Variants in PRKN observed in about 807,000 individuals in gnomAD.
PRKN encodes the protein E3 ubiquitin-protein ligase parkin.
In PRKN, 56 loss-of-function variants were observed where a neutral mutation model predicts 59.5. The ratio of observed to expected loss-of-function variants is 0.94; its 90% CI spans 0.76 to 1.18. The LOEUF is 1.18. Among genes scored for constraint, PRKN ranks in the 50% most tolerant of loss-of-function variants. PRKN has a pLI of 0.00. For missense variants in PRKN, 657 were observed against 596.4 expected (o/e 1.10, Z -1.06); for synonymous variants, 250 against 222.1 (o/e 1.13, Z -1.12).
At chr6:161,763,204 C>T (rs970526848) in intron 7 of PRKN, among the ~76,000 whole-genome samples, 2 of 152,146 alleles carry the variant, frequency 1.3e-5, no homozygotes, top group African/African-American at 4.8e-5. Context: ...TTGCCCAAAT[C>T]GTGCGACTCT....
intron 9 of PRKN, among the ~76,000 whole-genome samples, chr6:161,438,620 G>A (rs1355722645): frequency 2.0e-5 from 3 of 152,098 alleles, no homozygotes; most frequent in Middle Eastern, 3.4e-3. Flanking sequence ...AGTACAATTC[G>A]GCGAAATAGG....
chr6:161,547,799 T>C lies in PRKN; in HGVS notation c.1083+1055A>G, dbSNP rs1779848487. 6.6e-6 allele frequency among the ~76,000 whole-genome samples: 1 copy of C among 152,224 alleles called. No homozygotes were observed. The highest frequency in any genetic ancestry group is 1.5e-5 in the Non-Finnish European group (1 of 68,036). On this transcript the variant is annotated intron_variant, in intron 9 of 11. Transcript: ENST00000366898. The surrounding 1 kb of genome is among the most constrained non-coding windows in gnomAD (Gnocchi z 4.0). ...AGAGTAAACACTTGAGTTTTCATTCTAATGCAATCACGATTATGAATCCAG... is the reference window on the plus strand; with the variant it reads ...AGAGTAAACACTTGAGTTTTCATTCCAATGCAATCACGATTATGAATCCAG...
intron 4 of PRKN, among the ~76,000 whole-genome samples, chr6:162,078,613 C>T (rs183728776): frequency 1.8e-4 from 28 of 152,122 alleles, no homozygotes; most frequent in Admixed American, 7.2e-4. Context: ...ATAAAAAAGC[C>T]ACTTTTCTGG....
chr6:162,688,185 GA>G (rs1395345550), intron 1 of PRKN, among the ~76,000 whole-genome samples: 2 of 152,012 alleles, frequency 1.3e-5, no homozygotes, highest in Non-Finnish European at 1.5e-5. Context: ...AACACTGACT[GA>G]AAAAAACAGA....
intron 4 of PRKN, among the ~76,000 whole-genome samples, chr6:162,172,482 T>C (rs9346905): frequency 0.91 from 138,289 of 152,232 alleles, 63,362 homozygotes; most frequent in Non-Finnish European, 0.97. Flanking sequence ...CCCACACTCT[T>C]ACCACAGATG....
At chr6:161,464,320 T>A (rs1354045670) in intron 9 of PRKN, among the ~76,000 whole-genome samples, 1 of 152,226 alleles carries the variant, frequency 6.6e-6, no homozygotes, top group Non-Finnish European at 1.5e-5. Context: ...AGCTGGTACT[T>A]TCTCAAGCCA....
chr6:161,895,356 G>A (rs1339354791), intron 6 of PRKN, among the ~76,000 whole-genome samples: 1 of 152,206 alleles, frequency 6.6e-6, no homozygotes, highest in African/African-American at 2.4e-5. Flanking sequence ...CACAGAACTA[G>A]AGCCTGCTAA....
intron 4 of PRKN, among the ~76,000 whole-genome samples, chr6:162,067,604 G>A (rs1431549558): frequency 6.6e-6 from 1 of 152,154 alleles, no homozygotes; most frequent in Non-Finnish European, 1.5e-5. Context: ...GTGTTCTATA[G>A]TCCATCCTTA....
In PRKN at chr6:161,545,407, A is replaced by T. The variant is rs1304328892; in HGVS notation, c.1083+3447T>A. On this transcript the variant is annotated intron_variant, in intron 9 of 11. Transcript: ENST00000366898. This position sits in a 1 kb window ranked among gnomAD's most constrained non-coding sequence, Gnocchi z 4.1. ...TGAATGAGGCACTCACTTCTCCCTG[A>T]GGCAGCTTATTTTGTTCTTCGTTGT... The T allele has an allele frequency of 1.2e-6, 2 of 1,612,426 alleles. No individual in the cohort carries two copies. The highest frequency in any genetic ancestry group is 1.7e-6 in the Non-Finnish European group (2 of 1,179,548).
chr6:161,367,163 A>T (rs1214399616), intron 10 of PRKN, among the ~76,000 whole-genome samples: 2 of 151,202 alleles, frequency 1.3e-5, no homozygotes, highest in African/African-American at 4.9e-5. Context: ...GCTAATTTTT[A>T]GTAGAGACGG....
intron 4 of PRKN, among the ~76,000 whole-genome samples, chr6:162,187,516 C>T (rs1286925993): frequency 6.6e-6 from 1 of 152,008 alleles, no homozygotes; most frequent in Admixed American, 6.6e-5. Flanking sequence ...ACGGAGGATG[C>T]CCCCCACCCC....
intron 2 of PRKN, among the ~76,000 whole-genome samples, chr6:162,368,478 A>G (rs567131323): frequency 3.4e-4 from 52 of 152,170 alleles, no homozygotes; most frequent in Non-Finnish European, 6.8e-4. Context: ...TCTTGAAGAC[A>G]TGGAAGGTCA....
intron 1 of PRKN, among the ~76,000 whole-genome samples, chr6:162,642,730 A>C (rs2128224842): frequency 6.6e-6 from 1 of 151,988 alleles, no homozygotes; most frequent in Non-Finnish European, 1.5e-5. Context: ...AAAGTTATAT[A>C]ACTTTTTTCT....
intron 2 of PRKN, chr6:162,270,418 A>G (rs1737820753): frequency 6.6e-6 from 1 of 152,162 alleles, no homozygotes; most frequent in South Asian, 2.1e-4. Flanking sequence ...TGCAGTAGGT[A>G]CTGCTTGAGT....
intron 7 of PRKN, among the ~76,000 whole-genome samples, chr6:161,713,098 T>C (rs1290721551): frequency 6.6e-6 from 1 of 152,168 alleles, no homozygotes; most frequent in Non-Finnish European, 1.5e-5. Context: ...ATGGGTAAGA[T>C]TAATTTGCTG....
rs928398791 is a variant in PRKN, at chr6:162,028,520, C to T, written c.618+25571G>A. Among the ~76,000 whole-genome samples the T allele has an allele frequency of 4.6e-5, 7 of 152,286 alleles. No individual in the cohort carries two copies. In the South Asian group the frequency reaches 6.2e-4, roughly 14 times the overall value. Reference sequence around the variant, plus strand: ...CTGTGGAGGTGTGCGTGGAAACTTCCGGGCACGGAAATCTTTCTTTAGGAA... The same window carrying T: ...CTGTGGAGGTGTGCGTGGAAACTTCTGGGCACGGAAATCTTTCTTTAGGAA... On this transcript the variant is annotated intron_variant, in intron 5 of 11. Coordinates refer to ENST00000366898, the MANE Select transcript of PRKN (RefSeq NM_004562.3).
intron 7 of PRKN, among the ~76,000 whole-genome samples, chr6:161,639,113 C>A (rs1255108809): frequency 1.3e-5 from 2 of 152,164 alleles, no homozygotes; most frequent in Non-Finnish European, 2.9e-5. Flanking sequence ...GACATGTTTG[C>A]TTTCCCTTCC....
intron 6 of PRKN, among the ~76,000 whole-genome samples, chr6:161,793,184 T>G (rs1395721249): frequency 6.6e-6 from 1 of 152,190 alleles, no homozygotes; most frequent in African/African-American, 2.4e-5. Context: ...GCTTCAACAG[T>G]TGAATGATCT....
chr6:161,528,402 C>A (rs1276261183), intron 9 of PRKN, among the ~76,000 whole-genome samples: 1 of 152,140 alleles, frequency 6.6e-6, no homozygotes, highest in Non-Finnish European at 1.5e-5. Context: ...ATGCCTTAAC[C>A]CTTTTGGAGA....
Sources: gnomAD v4.1 joint callset for allele counts (sites outside exome capture counted in the v4.1 genomes callset) on GRCh38, gnomAD v4.1.1 for gene constraint, Gnocchi (gnomAD v3.1) non-coding constraint, MANE v1.5 for transcripts, NCBI Gene and HGNC (gene_info 2026-07-23, HGNC 2026-07-21) for gene names.